The following MAP1B variants were observed in gnomAD, a reference collection of about 807,000 sequenced individuals.
The protein encoded by MAP1B is microtubule associated protein 1B, also known as microtubule-associated protein 1B.
Under a neutral mutation model 176.1 loss-of-function variants are expected in MAP1B, and 12 were observed. The observed-to-expected ratio is 0.07, with a 90% CI of 0.04 to 0.11. The LOEUF is 0.11. Ranked by LOEUF, MAP1B falls within the 10% of genes least tolerant of loss-of-function variation. The probability of loss-of-function intolerance (pLI) is 1.00; values close to 1 mark genes in which losing one functional copy is unlikely to be tolerated. For synonymous variants in MAP1B, 1,044 were observed against 1,135.0 expected (o/e 0.92, Z 1.61); for missense variants, 2,523 against 2,990.5 (o/e 0.84, Z 3.65).
intron 4 of MAP1B, among the ~76,000 whole-genome samples, chr5:72,193,622 G>A (rs1192265915): frequency 1.3e-5 from 2 of 152,124 alleles, no homozygotes; most frequent in African/African-American, 4.8e-5. Context: ...GAGGTGCCAG[G>A]GCGAGTGGGT....
In MAP1B at chr5:72,191,036, G is replaced by C. The variant is rs138801801; in HGVS notation, c.511-2830G>C. The stretch of plus-strand genomic sequence containing the variant: ...TTTGTCCCAAAGCATATTCCTCCTT[G>C]TTGCATCTGTCATCCAACTTTGTAA... On this transcript the variant is annotated intron_variant, in intron 4 of 6. Transcript: ENST00000296755. 6.6e-5 allele frequency among the ~76,000 whole-genome samples: 10 copies of C among 152,284 alleles called. No homozygotes were observed. In the East Asian group the frequency reaches 1.9e-3, roughly 29 times the overall value.
intron 2 of MAP1B, among the ~76,000 whole-genome samples, chr5:72,174,941 C>T (rs1340944007): frequency 8.9e-6 from 1 of 112,870 alleles, no homozygotes; most frequent in African/African-American, 3.4e-5. Flanking sequence ...CCCCCTTCCC[C>T]CTTCCCCTCT....
intron 2 of MAP1B, among the ~76,000 whole-genome samples, chr5:72,123,992 G>C (rs975282316): frequency 1.3e-5 from 2 of 152,178 alleles, no homozygotes; most frequent in Non-Finnish European, 2.9e-5. Flanking sequence ...GAGAGAGTGT[G>C]TGTGTCTAAT....
intron 2 of MAP1B, among the ~76,000 whole-genome samples, chr5:72,161,977 G>A (rs141113099): frequency 1.3e-3 from 150 of 117,008 alleles, no homozygotes; most frequent in African/African-American, 3.0e-3. Flanking sequence ...AAAAAAAAAA[G>A]AAAGAAAGAA....
intron 2 of MAP1B, among the ~76,000 whole-genome samples, chr5:72,119,680 TG>T (rs1444200683): frequency 6.6e-6 from 1 of 152,086 alleles, no homozygotes; most frequent in African/African-American, 2.4e-5. Context: ...GGTAATTTTT[TG>T]TATGTTTTGT....
intron 2 of MAP1B, among the ~76,000 whole-genome samples, chr5:72,176,458 C>T (rs573348289): frequency 6.6e-6 from 1 of 152,316 alleles, no homozygotes; most frequent in South Asian, 2.1e-4. Context: ...AGTCAGTAAA[C>T]CTCAGCTCTT....
intron 2 of MAP1B, among the ~76,000 whole-genome samples, chr5:72,135,409 TTCTC>T (rs367588904): frequency 6.6e-6 from 1 of 151,848 alleles, no homozygotes; most frequent in Non-Finnish European, 1.5e-5. Flanking sequence ...TTTTCTTTTT[TTCTC>T]TCTCTCTCTC....
intron 2 of MAP1B, among the ~76,000 whole-genome samples, chr5:72,121,949 C>G (rs1393672634): frequency 1.3e-5 from 2 of 152,230 alleles, no homozygotes; most frequent in African/African-American, 4.8e-5. Context: ...ATTCTTTATC[C>G]TCATGTTTTC....
chr5:72,159,887 C>G (rs904799377), intron 2 of MAP1B, among the ~76,000 whole-genome samples: 2 of 152,134 alleles, frequency 1.3e-5, no homozygotes, highest in Non-Finnish European at 2.9e-5. Context: ...CATGCAGCCT[C>G]CAGCCACACG....
Position 72,205,372 on chromosome 5 carries a change from T to C in MAP1B, c.*133T>C. ...ATTACCTGCCAAATGCTATACTGTGTCATGGTGATGCAAGTCACTAAATTT... is the reference window on the plus strand; with the variant it reads ...ATTACCTGCCAAATGCTATACTGTGCCATGGTGATGCAAGTCACTAAATTT... On this transcript the variant is annotated 3_prime_UTR_variant, in exon 7 of 7. Coordinates refer to ENST00000296755, the MANE Select transcript of MAP1B (RefSeq NM_005909.5). The C allele has an allele frequency of 1.2e-6, 1 of 840,220 alleles. No homozygotes were observed. Among genetic ancestry groups the C allele is most frequent in the South Asian group, 2.0e-5 (1 of 50,594 alleles). 52.0% of individuals were successfully genotyped at this position (840,220 alleles called of 1,614,324 possible).
intron 2 of MAP1B, among the ~76,000 whole-genome samples, chr5:72,156,059 G>A (rs1472230417): frequency 6.6e-6 from 1 of 152,096 alleles, no homozygotes; most frequent in African/African-American, 2.4e-5. Flanking sequence ...GAGCCACTGC[G>A]CCCAGCTTGA....
At chr5:72,183,602 T>A (rs2112212675) in intron 2 of MAP1B, 141 bp from the exon 3 acceptor site, 1 of 630,762 alleles carries the variant, frequency 1.6e-6, no homozygotes, top group South Asian at 1.9e-5. Flanking sequence ...CAATTGTGTT[T>A]CCCAAGATGA....
At position 72,194,430 on chromosome 5, in the gene MAP1B, C is replaced by G. The variant is rs1424395946; in HGVS notation, c.1075C>G (p.Leu359Val). The stretch of plus-strand genomic sequence containing the variant: ...CTCCCCTGACTTAGGAGTTGTATTT[C>G]TCAATGTACCTGAAAATCTCAAAAA... Reference protein sequence around the residue: ...LISPDLGVVFLNVPENLKNPE... With the variant: ...LISPDLGVVFVNVPENLKNPE... The change falls in exon 5 of 7, where the codon CTC (leucine) becomes GTC (valine). Residue 359 changes from leucine to valine, a missense_variant. Physicochemically the swap from Leu to Val is conservative, Grantham distance 32. Transcript: ENST00000296755. The surrounding 1 kb of genome is among the most constrained non-coding windows in gnomAD (Gnocchi z 7.2). 6.2e-7 allele frequency: 1 copy of G among 1,614,042 alleles called. No individual in the cohort carries two copies. Among genetic ancestry groups the G allele is most frequent in the East Asian group, 2.2e-5 (1 of 44,886 alleles).
Position 72,203,727 on chromosome 5 carries a change from G to A in MAP1B, c.7177G>A (p.Ala2393Thr). 1 of 1,613,924 alleles carries A rather than the reference G, an allele frequency of 6.2e-7. No homozygotes were observed. Among genetic ancestry groups the A allele is most frequent in the South Asian group, 1.1e-5 (1 of 91,062 alleles). ...CTACGTGGTGAGTGGGAATGACCCTGCTGCTGAGGAGCCCAGCCGGGCTGT... is the reference window on the plus strand; with the variant it reads ...CTACGTGGTGAGTGGGAATGACCCTACTGCTGAGGAGCCCAGCCGGGCTGT... The part of the protein sequence containing the change: ...SYYVVSGNDP[A>T]AEEPSRAVLD... The change falls in exon 6 of 7, where the codon GCT (alanine) becomes ACT (threonine). Residue 2393 changes from alanine (A) to threonine (T), a missense_variant. Physicochemically the swap from Ala to Thr is moderately conservative, Grantham distance 58. This residue lies in a region of MAP1B where 287 missense variants were observed against 401.5 expected (regional missense o/e 0.71). Transcript: ENST00000296755.
intron 2 of MAP1B, among the ~76,000 whole-genome samples, chr5:72,127,682 C>T (rs1745654748): frequency 6.6e-6 from 1 of 151,914 alleles, no homozygotes; most frequent in Admixed American, 6.6e-5. Context: ...TCTAAAATAA[C>T]AGAAAGAAAT....
chr5:72,174,895 C>T (rs917113912), intron 2 of MAP1B, among the ~76,000 whole-genome samples: 8 of 145,368 alleles, frequency 5.5e-5, no homozygotes, highest in Non-Finnish European at 1.1e-4. Flanking sequence ...TTCCTTCCTT[C>T]CCTCCCTCCC....
At chr5:72,188,853 G>A (rs1379569222) in intron 4 of MAP1B, among the ~76,000 whole-genome samples, 1 of 152,152 alleles carries the variant, frequency 6.6e-6, no homozygotes, top group Non-Finnish European at 1.5e-5. Context: ...TATCATTATG[G>A]TCAGAGACCA....
At position 72,205,121 on chromosome 5, in the gene MAP1B, G is replaced by A. The variant is rs916701890; in HGVS notation, c.7289G>A (p.Arg2430Lys). Residue 2430 changes from arginine (R) to lysine (K), a missense_variant, in exon 7 of 7, where the codon AGG becomes AAG. Around this residue, in one of 4 missense-constraint regions of MAP1B, gnomAD observed 287 missense variants for 401.5 expected, o/e 0.71. Coordinates refer to ENST00000296755, the MANE Select transcript of MAP1B (RefSeq NM_005909.5). ...LIPTHDSEVM[R>K]EWYQETHEKQ... is the part of the protein sequence containing the mutation. ...CCAACTCATGACTCAGAAGTGATGA[G>A]GGAATGGTACCAGGAGACCCATGAG... 8.7e-6 allele frequency: 14 copies of A among 1,613,564 alleles called. No homozygotes were observed. In the African/African-American group the frequency reaches 1.5e-4, roughly 17 times the overall value.
intron 1 of MAP1B, among the ~76,000 whole-genome samples, chr5:72,108,464 T>G (rs555855334): frequency 3.3e-5 from 5 of 152,126 alleles, no homozygotes; most frequent in African/African-American, 4.8e-5. Context: ...TCGGGAGTGG[T>G]AGCTTGAAGG....
Sources: gnomAD v4.1 joint callset for allele counts (sites outside exome capture counted in the v4.1 genomes callset) on GRCh38, gnomAD v4.1.1 for gene constraint, gnomAD v4.1.1 regional missense constraint, Gnocchi (gnomAD v3.1) non-coding constraint, MANE v1.5 for transcripts, NCBI Gene and HGNC (gene_info 2026-07-23, HGNC 2026-07-21) for gene names.